ADAMTSL1: variants seen among roughly 807,000 people sequenced by gnomAD.
ADAMTSL1 encodes the protein ADAMTS-like protein 1.
Under a neutral mutation model 201.8 loss-of-function variants are expected in ADAMTSL1, and 126 were observed. The observed-to-expected ratio is 0.62, with a 90% CI of 0.54 to 0.72. The LOEUF is 0.72. Among genes scored for constraint, ADAMTSL1 ranks in the 30% least tolerant of loss-of-function variants. ADAMTSL1 has a pLI of 0.00. For missense variants in ADAMTSL1, 2,679 were observed against 2,277.8 expected, an observed-to-expected ratio of 1.18 and a Z score of -3.59; for synonymous variants, 1,121 against 903.4, an observed-to-expected ratio of 1.24 and a Z score of -4.32.
chr9:18,396,212 A>G (rs1387308082), intron 2 of ADAMTSL1, among the ~76,000 whole-genome samples: 1 of 152,132 alleles, frequency 6.6e-6, no homozygotes. Flanking sequence ...AGTTGATGAT[A>G]AGACAGTTGG....
intron 4 of ADAMTSL1, among the ~76,000 whole-genome samples, chr9:18,589,381 C>A (rs1298205775): frequency 6.6e-6 from 1 of 152,026 alleles, no homozygotes; most frequent in African/African-American, 2.4e-5. Context: ...AAATTGATCA[C>A]TGTTAATATA....
intron 14 of ADAMTSL1, among the ~76,000 whole-genome samples, chr9:18,710,616 G>A (rs750429935): frequency 5.5e-5 from 8 of 144,580 alleles, no homozygotes; most frequent in Non-Finnish European, 9.0e-5. Context: ...TTCTAGAAAT[G>A]TAGCCCTTAC....
chr9:18,060,891 G>A (rs1180170097), intron 1 of ADAMTSL1, among the ~76,000 whole-genome samples: 6 of 152,030 alleles, frequency 3.9e-5, no homozygotes, highest in African/African-American at 1.4e-4. Context: ...CTCAGTAATG[G>A]CAAACATTTA....
At chr9:18,217,164 T>A (rs998406044) in intron 2 of ADAMTSL1, among the ~76,000 whole-genome samples, 15 of 152,200 alleles carry the variant, frequency 9.9e-5, no homozygotes, top group African/African-American at 3.4e-4. Flanking sequence ...TTTGTTCTGT[T>A]GCCTGCTTTT....
intron 1 of ADAMTSL1, among the ~76,000 whole-genome samples, chr9:17,960,362 G>A (rs891285070): frequency 4.6e-5 from 7 of 152,160 alleles, no homozygotes; most frequent in South Asian, 2.1e-4. Context: ...ATTCCACATC[G>A]CTAATTTCCT....
intron 4 of ADAMTSL1, among the ~76,000 whole-genome samples, chr9:18,608,675 T>G (rs2132588678): frequency 6.6e-6 from 1 of 152,272 alleles, no homozygotes; most frequent in East Asian, 1.9e-4. Flanking sequence ...TACCTCCAGC[T>G]ACTTCCAACT....
At chr9:18,484,982 A>T (rs1821912940) in intron 1 of ADAMTSL1, among the ~76,000 whole-genome samples, 1 of 152,230 alleles carries the variant, frequency 6.6e-6, no homozygotes, top group Non-Finnish European at 1.5e-5. Context: ...TAGTTTCATC[A>T]ATGAAATAAC....
At chr9:18,162,371 G>T (rs1563776670) in intron 1 of ADAMTSL1, among the ~76,000 whole-genome samples, 1 of 151,882 alleles carries the variant, frequency 6.6e-6, no homozygotes, top group South Asian at 2.1e-4. Context: ...GATAATCCAG[G>T]TTACTAACCC....
chr9:17,954,710 G>C (rs747375225), intron 1 of ADAMTSL1, among the ~76,000 whole-genome samples: 14 of 152,086 alleles, frequency 9.2e-5, no homozygotes, highest in Non-Finnish European at 1.9e-4. Flanking sequence ...AGAGAAGTGG[G>C]GGAAGTAGAA....
intron 8 of ADAMTSL1, among the ~76,000 whole-genome samples, chr9:18,658,135 C>T (rs887207872): frequency 1.3e-5 from 2 of 152,098 alleles, no homozygotes; most frequent in African/African-American, 2.4e-5. Context: ...CCACCACGCC[C>T]GGCTAATTTT....
At chr9:18,427,671 G>A (rs780340974) in intron 2 of ADAMTSL1, among the ~76,000 whole-genome samples, 1 of 152,232 alleles carries the variant, frequency 6.6e-6, no homozygotes, top group Non-Finnish European at 1.5e-5. Flanking sequence ...TTTTCTTGCT[G>A]AGGCAGGAGC....
intron 15 of ADAMTSL1, among the ~76,000 whole-genome samples, chr9:18,725,396 C>G (rs1316691748): frequency 6.6e-6 from 1 of 152,206 alleles, no homozygotes; most frequent in Admixed American, 6.5e-5. Flanking sequence ...AATCCCTTCA[C>G]AACTTTGCCT....
chr9:18,194,524 T>G (rs538811201), intron 2 of ADAMTSL1, among the ~76,000 whole-genome samples: 31 of 152,220 alleles, frequency 2.0e-4, no homozygotes, highest in African/African-American at 7.5e-4. Flanking sequence ...TCCAGCTTGA[T>G]GAAGTCATAG....
intron 2 of ADAMTSL1, among the ~76,000 whole-genome samples, chr9:18,226,877 G>T (rs1830450796): frequency 6.6e-6 from 1 of 151,918 alleles, no homozygotes. Flanking sequence ...GCATGAATAT[G>T]TTTATTTGTT....
chr9:18,350,337 G>C (rs180843840), intron 2 of ADAMTSL1, among the ~76,000 whole-genome samples: 2 of 151,940 alleles, frequency 1.3e-5, no homozygotes, highest in South Asian at 4.2e-4. Flanking sequence ...AGGGCAGGGG[G>C]GAAAAAGAGG....
intron 2 of ADAMTSL1, among the ~76,000 whole-genome samples, chr9:18,217,859 T>C (rs535036719): frequency 6.6e-6 from 1 of 152,204 alleles, no homozygotes; most frequent in South Asian, 2.1e-4. Flanking sequence ...AGTTGTTTTT[T>C]TTTTTCTGTG....
intron 2 of ADAMTSL1, among the ~76,000 whole-genome samples, chr9:18,228,072 C>T (rs1393901842): frequency 2.6e-5 from 4 of 152,172 alleles, no homozygotes; most frequent in Non-Finnish European, 4.4e-5. Flanking sequence ...GCCCAATAGC[C>T]ACGTTCCACC....
rs1254590358 is a variant in ADAMTSL1 at position 18,887,828 on chromosome 9, T to C, written c.4250-3T>C. On this transcript the variant is annotated splice_polypyrimidine_tract_variant and splice_region_variant and intron_variant, in intron 23 of 28. Coordinates refer to ENST00000380548, the MANE Select transcript of ADAMTSL1 (RefSeq NM_001040272.6). Reference sequence around the variant, plus strand: ...AGGCTTACTTCTTTTCCTCTCCTTCTAGGCTGCCCCATCAAAGGTCACCCT... The same window carrying C: ...AGGCTTACTTCTTTTCCTCTCCTTCCAGGCTGCCCCATCAAAGGTCACCCT... The C allele has an allele frequency of 6.2e-7, 1 of 1,612,976 alleles. No homozygotes were observed. Among genetic ancestry groups the C allele is most frequent in the Non-Finnish European group, 8.5e-7 (1 of 1,179,290 alleles).
chr9:18,811,722 C>A (rs933244009), intron 20 of ADAMTSL1, among the ~76,000 whole-genome samples: 1 of 152,180 alleles, frequency 6.6e-6, no homozygotes, highest in Admixed American at 6.5e-5. Context: ...ACCTTCATCA[C>A]CCTTATTCAT....
Sources: allele counts gnomAD v4.1 joint callset (sites outside exome capture counted in the v4.1 genomes callset), GRCh38; gene constraint gnomAD v4.1.1; transcripts MANE v1.5; gene names NCBI Gene and HGNC (gene_info 2026-07-23, HGNC 2026-07-21).